The following BBS9 variants were observed in gnomAD, a reference collection of about 807,000 sequenced individuals.
BBS9 encodes protein PTHB1.
BBS9 carries 89 observed loss-of-function variants against 117.7 expected under a neutral mutation model. The ratio of observed to expected loss-of-function variants is 0.76; its 90% confidence interval spans 0.64 to 0.90. The LOEUF (loss-of-function observed/expected upper bound fraction) is 0.90, where lower values mean the gene tolerates loss of function less well. Among genes scored for constraint, BBS9 ranks in the 40% least tolerant of loss-of-function variants. The pLI, the probability that BBS9 is intolerant of heterozygous loss-of-function variation, is 0.00. For synonymous variants in BBS9, 379 were observed against 370.9 expected (o/e 1.02, Z -0.25); for missense variants, 982 against 1,042.2 (o/e 0.94, Z 0.80).
chr7:33,598,915 AACCTGGCCCAAC>A (rs1256193867), intron 21 of BBS9, among the ~76,000 whole-genome samples: 3 of 152,218 alleles, frequency 2.0e-5, no homozygotes, highest in Non-Finnish European at 1.5e-5. Context: ...CCACAGGCCA[AACCTGGCCCAAC>A]ACCTGTTTTA....
At chr7:33,199,922 T>C (rs1388337793) in intron 5 of BBS9, among the ~76,000 whole-genome samples, 1 of 152,024 alleles carries the variant, frequency 6.6e-6, no homozygotes, top group Non-Finnish European at 1.5e-5. Flanking sequence ...TGTAGTTAAT[T>C]TGATAAAAAT....
At chr7:33,456,662 G>A (rs1190399973) in intron 19 of BBS9, among the ~76,000 whole-genome samples, 1 of 151,620 alleles carries the variant, frequency 6.6e-6, no homozygotes, top group African/African-American at 2.4e-5. Flanking sequence ...GTAAATAAGT[G>A]TCTCTTTCAG....
chr7:33,542,144 G>A (rs1355123147), intron 21 of BBS9, among the ~76,000 whole-genome samples: 2 of 151,594 alleles, frequency 1.3e-5, no homozygotes, highest in African/African-American at 4.8e-5. Flanking sequence ...GAGTGCCGTG[G>A]TGCAGTCTCA....
rs746543061 is a variant in BBS9, at chr7:33,388,061, C to T, written c.2032C>T (p.Arg678Cys). 14 of 1,614,112 alleles carry T rather than the reference C, an allele frequency of 8.7e-6. No individual in the cohort carries two copies. In the East Asian group the frequency reaches 8.9e-5, roughly 10 times the overall value. ...AGCTGTACAATTTCGGGCCATTCAA[C>T]GCCGGCTACTAGCAAGATTCAAAGA... Reference protein sequence around the residue: ...ERAVQFRAIQRRLLARFKDKT... With the variant: ...ERAVQFRAIQCRLLARFKDKT... The change falls in exon 19 of 23, where the codon CGC becomes TGC. Residue 678 changes from arginine to cysteine, a missense_variant. Arg to Cys is a radical substitution (Grantham distance 180, BLOSUM62 -3). Coordinates refer to ENST00000242067, the MANE Select transcript of BBS9 (RefSeq NM_198428.3).
At chr7:33,337,717 A>G (rs897749671) in intron 10 of BBS9, among the ~76,000 whole-genome samples, 3 of 152,110 alleles carry the variant, frequency 2.0e-5, no homozygotes, top group African/African-American at 7.2e-5. Flanking sequence ...GGGATGTGTC[A>G]TATCGCAGTA....
At chr7:33,411,262 T>G (rs1831095700) in intron 19 of BBS9, among the ~76,000 whole-genome samples, 1 of 152,102 alleles carries the variant, frequency 6.6e-6, no homozygotes, top group Non-Finnish European at 1.5e-5. Flanking sequence ...CCCTGAAGTA[T>G]CCCACATCCG....
At chr7:33,357,763 A>G in intron 15 of BBS9, 92 bp from the exon 16 acceptor site, 1 of 1,344,334 alleles carries the variant, frequency 7.4e-7, no homozygotes, top group Non-Finnish European at 1.1e-6. Context: ...GCAAACCAAG[A>G]TATATTGCTG....
intron 5 of BBS9, among the ~76,000 whole-genome samples, chr7:33,255,241 T>C (rs544951688): frequency 1.3e-5 from 2 of 152,288 alleles, no homozygotes; most frequent in African/African-American, 4.8e-5. Context: ...GCCATGAAGC[T>C]TTTTACCATA....
At chr7:33,433,242 TG>T (rs1834797134) in intron 19 of BBS9, among the ~76,000 whole-genome samples, 1 of 152,238 alleles carries the variant, frequency 6.6e-6, no homozygotes, top group South Asian at 2.1e-4. Flanking sequence ...CTTTCGTTAA[TG>T]GGTATACATA....
chr7:33,173,788 A>C (rs1796950466), intron 4 of BBS9, among the ~76,000 whole-genome samples: 1 of 152,162 alleles, frequency 6.6e-6, no homozygotes, highest in Non-Finnish European at 1.5e-5. Context: ...ATGCACGTAT[A>C]AGCTGGAAGT....
intron 9 of BBS9, among the ~76,000 whole-genome samples, chr7:33,290,688 C>T (rs1234151837): frequency 6.6e-6 from 1 of 151,996 alleles, no homozygotes; most frequent in Non-Finnish European, 1.5e-5. Flanking sequence ...GAAGTAATGC[C>T]CAGGCAGACA....
At chr7:33,309,899 T>C (rs766399710) in intron 9 of BBS9, among the ~76,000 whole-genome samples, 2 of 152,104 alleles carry the variant, frequency 1.3e-5, no homozygotes, top group Non-Finnish European at 2.9e-5. Context: ...AGTAGAATAT[T>C]TAGGGATTCT....
intron 5 of BBS9, among the ~76,000 whole-genome samples, chr7:33,226,907 G>A (rs1470410129): frequency 2.0e-5 from 3 of 152,146 alleles, no homozygotes; most frequent in African/African-American, 7.2e-5. Flanking sequence ...ATGGGGAGTA[G>A]TATTTGATAG....
chr7:33,133,362 A>G lies in BBS9; in HGVS notation c.-12+3321A>G, dbSNP rs946884500. On this transcript the variant is annotated intron_variant, in intron 1 of 22. Transcript: ENST00000242067. Reference sequence around the variant, plus strand: ...CCACAGCCAAGTTTGGAATATTTTTATCAACTCAAAAAGAAACCTCGCATC... The same window carrying G: ...CCACAGCCAAGTTTGGAATATTTTTGTCAACTCAAAAAGAAACCTCGCATC... 2.0e-5 allele frequency among the ~76,000 whole-genome samples: 3 copies of G among 152,202 alleles called. No individual in the cohort carries two copies. In the East Asian group the frequency reaches 5.8e-4, roughly 29 times the overall value.
intron 21 of BBS9, among the ~76,000 whole-genome samples, chr7:33,561,505 C>T (rs972586486): frequency 1.3e-5 from 2 of 152,104 alleles, no homozygotes; most frequent in African/African-American, 4.8e-5. Context: ...CGATAAATTC[C>T]CAGCTCTTGG....
intron 9 of BBS9, chr7:33,276,794 A>C (rs889651082): frequency 6.5e-6 from 1 of 152,672 alleles, no homozygotes; most frequent in African/African-American, 2.4e-5. Flanking sequence ...TCCTGTGAGG[A>C]AGATACTTCC....
chr7:33,615,655 G>A (rs1483386891), intron 21 of BBS9, among the ~76,000 whole-genome samples: 1 of 152,100 alleles, frequency 6.6e-6, no homozygotes, highest in Non-Finnish European at 1.5e-5. Context: ...AATATTTGAA[G>A]CAATAATGAC....
chr7:33,572,937 A>G (rs1489460954), intron 21 of BBS9, among the ~76,000 whole-genome samples: 1 of 151,854 alleles, frequency 6.6e-6, no homozygotes, highest in Non-Finnish European at 1.5e-5. Flanking sequence ...GCTTATTTTG[A>G]TACTGAAAAT....
In BBS9 at chr7:33,349,072, C is replaced by T; in HGVS notation, c.1334C>T (p.Thr445Ile). 1.3e-6 allele frequency: 2 copies of T among 1,599,892 alleles called. No homozygotes were observed. The highest frequency in any genetic ancestry group is 1.7e-6 in the Non-Finnish European group (2 of 1,167,382). ...TAACAATTTCTGTTTCCTTAGGTCA[C>T]ACTGCAGAACAGAGTGATATTGCAA... ...DLVPSVTVKVTLQNRVILQKA... is the reference protein window; with the variant it reads ...DLVPSVTVKVILQNRVILQKA... Residue 445 changes from threonine (T) to isoleucine (I), a missense_variant, in exon 13 of 23, where the codon ACA (threonine) becomes ATA (isoleucine). Transcript: ENST00000242067.
Sources: allele counts gnomAD v4.1 joint callset (sites outside exome capture counted in the v4.1 genomes callset), GRCh38; gene constraint gnomAD v4.1.1; transcripts MANE v1.5; gene names NCBI Gene and HGNC (gene_info 2026-07-23, HGNC 2026-07-21).